Variants in PECAM1 observed in about 807,000 individuals in gnomAD.
PECAM1 encodes the protein platelet and endothelial cell adhesion molecule 1.
Under a neutral mutation model 13.8 loss-of-function variants are expected in PECAM1, and 8 were observed. The observed-to-expected ratio is 0.58, with a 90% CI of 0.34 to 1.05. PECAM1 has a LOEUF of 1.05. PECAM1 is among the 50% of genes least tolerant of loss of function. The pLI, the probability that PECAM1 is intolerant of heterozygous loss-of-function variation, is 0.03. For synonymous variants in PECAM1, 136 were observed against 52.6 expected (o/e 2.58, Z -6.86); for missense variants, 304 against 141.2 (o/e 2.15, Z -5.84).
intron 13 of PECAM1, among the ~76,000 whole-genome samples, chr17:64,346,630 C>T (rs2035576865): frequency 6.6e-6 from 1 of 152,168 alleles, no homozygotes; most frequent in Non-Finnish European, 1.5e-5. Context: ...GCCACCGTGC[C>T]TGGCCAGGAG....
At chr17:64,371,370 A>C (rs1314285512) in intron 4 of PECAM1, among the ~76,000 whole-genome samples, 1 of 152,188 alleles carries the variant, frequency 6.6e-6, no homozygotes, top group African/African-American at 2.4e-5. Context: ...ACAAATAGCT[A>C]ATCAATTTAT....
At chr17:64,335,075 C>T (rs1177310292) in intron 14 of PECAM1, among the ~76,000 whole-genome samples, 54 of 152,138 alleles carry the variant, frequency 3.5e-4, no homozygotes, top group Admixed American at 3.4e-3. Context: ...TGCACGTTTT[C>T]GGCACCGCTC....
chr17:64,367,906 C>A (rs1598039925), intron 5 of PECAM1, among the ~76,000 whole-genome samples: 1 of 152,146 alleles, frequency 6.6e-6, no homozygotes, highest in East Asian at 1.9e-4. Context: ...AAATTGCTAG[C>A]ACACACTATA....
chr17:64,384,106 G>A (rs2036541157), intron 2 of PECAM1, among the ~76,000 whole-genome samples: 1 of 152,146 alleles, frequency 6.6e-6, no homozygotes, highest in Non-Finnish European at 1.5e-5. Context: ...ACTCCAGCCT[G>A]AGCAATAGAG....
chr17:64,323,903 C>G (rs782531223), intron 15 of PECAM1, 58 bp from the exon 16 acceptor site: 3 of 790,034 alleles, frequency 3.8e-6, no homozygotes, highest in Non-Finnish European at 7.0e-6. Context: ...TGAAGATTGC[C>G]CTGGTGGAGA....
Position 64,354,968 on chromosome 17 carries a change from A to T in PECAM1, c.1853T>A (p.Ile618Asn). 1 of 475,422 alleles carries T rather than the reference A, an allele frequency of 2.1e-6. No homozygotes were observed. The allele number at this position is 475,422 out of a possible 1,614,324, so 29.5% of individuals were successfully genotyped here. ...IIGVIIALLIIAAKCYFLRKA... is the reference protein window; with the variant it reads ...IIGVIIALLINAAKCYFLRKA... ...CCTCAGAAAATAACATTTGGCCGCA[A>T]TGATCAAGAGAGCAATGATCACTCC... Residue 618 changes from isoleucine (I) to asparagine (N), a missense_variant, in exon 9 of 16, where the codon ATT (isoleucine) becomes AAT (asparagine). Coordinates refer to ENST00000563924, the MANE Select transcript of PECAM1 (RefSeq NM_000442.5).
Position 64,323,465 on chromosome 17 carries a change from G to T in PECAM1, c.*351C>A. ...AAGAAAATTGGTTTCTGTGTATGAGGGTGCATGGAAAAGGTCTTTATCTCT... is the reference window on the plus strand; with the variant it reads ...AAGAAAATTGGTTTCTGTGTATGAGTGTGCATGGAAAAGGTCTTTATCTCT... On this transcript the variant is annotated 3_prime_UTR_variant, in exon 16 of 16. Transcript: ENST00000563924. The T allele has an allele frequency of 8.2e-7, 1 of 1,224,014 alleles. No homozygotes were observed. The highest frequency in any genetic ancestry group is 1.0e-6 in the Non-Finnish European group (1 of 970,772). 75.8% of individuals were successfully genotyped at this position (1,224,014 alleles called of 1,614,324 possible).
At chr17:64,383,412 C>T (rs1359282577) in intron 2 of PECAM1, among the ~76,000 whole-genome samples, 1 of 151,646 alleles carries the variant, frequency 6.6e-6, no homozygotes. Context: ...GCTGAGGGCA[C>T]AGAAGGGGCC....
intron 4 of PECAM1, among the ~76,000 whole-genome samples, chr17:64,372,945 T>A (rs1243559885): frequency 1.3e-5 from 2 of 150,612 alleles, no homozygotes; most frequent in African/African-American, 2.4e-5. Context: ...AGAAACCCCA[T>A]CTCAACTAAA....
intron 14 of PECAM1, among the ~76,000 whole-genome samples, chr17:64,334,963 T>C (rs940072368): frequency 1.1e-4 from 17 of 152,048 alleles, no homozygotes; most frequent in African/African-American, 4.1e-4. Context: ...AGCAGAGCCT[T>C]AGCGTGGCAC....
rs1355828434 is a variant in PECAM1 at position 64,319,422 on chromosome 17, G to A, written c.*4394C>T. Reference sequence around the variant, plus strand: ...GGGAGAGACCAAGGCAAGTTTTAGAGCAGGAGTGAGAGTTTATTAAAAAGT... The same window carrying A: ...GGGAGAGACCAAGGCAAGTTTTAGAACAGGAGTGAGAGTTTATTAAAAAGT... On this transcript the variant is annotated 3_prime_UTR_variant, in exon 16 of 16. Coordinates refer to ENST00000563924, the MANE Select transcript of PECAM1 (RefSeq NM_000442.5). 1.3e-5 allele frequency: 2 copies of A among 152,194 alleles called. No individual in the cohort carries two copies. The highest frequency in any genetic ancestry group is 4.8e-5 in the African/African-American group (2 of 41,446). The allele number at this position is 152,194 out of a possible 1,614,324, so 9.4% of individuals were successfully genotyped here.
chr17:64,367,002 A>C (rs1319482877), intron 5 of PECAM1, among the ~76,000 whole-genome samples: 2 of 57,994 alleles, frequency 3.4e-5, no homozygotes, highest in South Asian at 4.5e-3. Context: ...CTGAAACTCC[A>C]TTTCAAAAAA....
At chr17:64,338,953 ACT>A (rs2035356317) in intron 14 of PECAM1, among the ~76,000 whole-genome samples, 2 of 151,944 alleles carry the variant, frequency 1.3e-5, no homozygotes, top group Non-Finnish European at 2.9e-5. Flanking sequence ...ATGTTAATAA[ACT>A]CTGTTTTCCT....
chr17:64,388,225 G>A, intron 2 of PECAM1, among the ~76,000 whole-genome samples: 1 of 152,244 alleles, frequency 6.6e-6, no homozygotes, highest in Middle Eastern at 3.4e-3. Flanking sequence ...TTGGGAAACA[G>A]GATGTTGTGG....
At chr17:64,355,679 C>A (rs1392570754) in intron 8 of PECAM1, among the ~76,000 whole-genome samples, 1 of 152,102 alleles carries the variant, frequency 6.6e-6, no homozygotes, top group East Asian at 1.9e-4. Context: ...AGGCTGGTCT[C>A]CAACTCCAGG....
intron 2 of PECAM1, among the ~76,000 whole-genome samples, chr17:64,379,380 A>G (rs1204177882): frequency 6.6e-6 from 1 of 152,112 alleles, no homozygotes; most frequent in African/African-American, 2.4e-5. Context: ...CTCTCTAGCT[A>G]TTGCTGTGTT....
rs7210077 is a variant in PECAM1, at chr17:64,384,449, G to A, written c.91+6040C>T. Among the ~76,000 whole-genome samples the A allele has an allele frequency of 6.5e-3, 987 of 152,162 alleles. 9 individuals are homozygous for A. The highest frequency in any genetic ancestry group is 0.023 in the African/African-American group (942 of 41,500). On this transcript the variant is annotated intron_variant, in intron 2 of 15. Coordinates refer to ENST00000563924, the MANE Select transcript of PECAM1 (RefSeq NM_000442.5). ...ACACTTACACGTGGTCACCTCCCAC[G>A]TTAACATTAACCAACAAAATACTCC...
chr17:64,323,702 T>G lies in PECAM1; in HGVS notation c.*114A>C. The G allele has an allele frequency of 6.4e-7, 1 of 1,553,636 alleles. No individual in the cohort carries two copies. The highest frequency in any genetic ancestry group is 8.7e-7 in the Non-Finnish European group (1 of 1,145,708). On this transcript the variant is annotated 3_prime_UTR_variant, in exon 16 of 16. Coordinates refer to ENST00000563924, the MANE Select transcript of PECAM1 (RefSeq NM_000442.5). ...CTTAGCCTGAGGAATTGCTGTGTTC[T>G]GTGGGAGCAGGGCAGGTTCATAAAT... is the stretch of plus-strand genomic sequence containing the variant.
chr17:64,384,556 C>T (rs907534368), intron 2 of PECAM1, among the ~76,000 whole-genome samples: 1 of 152,210 alleles, frequency 6.6e-6, no homozygotes, highest in Non-Finnish European at 1.5e-5. Context: ...GGAATGCCAG[C>T]AGTCATAGCA....
Sources: allele counts gnomAD v4.1 joint callset (sites outside exome capture counted in the v4.1 genomes callset), GRCh38; gene constraint gnomAD v4.1.1; transcripts MANE v1.5; gene names NCBI Gene and HGNC (gene_info 2026-07-23, HGNC 2026-07-21).